CASK: variants seen among roughly 807,000 people sequenced by gnomAD.
The protein encoded by CASK is peripheral plasma membrane protein CASK.
In CASK, 4 loss-of-function variants were observed where a neutral mutation model predicts 82.9. The observed-to-expected ratio is 0.05, with a 90% CI of 0.02 to 0.11. The LOEUF (loss-of-function observed/expected upper bound fraction) is 0.11. Among genes scored for constraint, CASK ranks in the 10% least tolerant of loss-of-function variants. CASK has a pLI of 1.00. For synonymous variants in CASK, 259 were observed against 253.5 expected, an observed-to-expected ratio of 1.02 and a Z score of -0.20; for missense variants, 358 against 720.9, an observed-to-expected ratio of 0.50 and a Z score of 5.76.
At chrX:41,865,963 GAC>G (rs1206112214) in intron 1 of CASK, among the ~76,000 whole-genome samples, 1 of 112,348 alleles carries the variant, frequency 8.9e-6, no homozygotes, top group Non-Finnish European at 1.9e-5. Context: ...AGGGCAGGAA[GAC>G]ACATGGCTTC....
intron 8 of CASK, among the ~76,000 whole-genome samples, chrX:41,651,978 G>A (rs2066871921): frequency 9.0e-6 from 1 of 111,175 alleles, no homozygotes; most frequent in Non-Finnish European, 1.9e-5. Flanking sequence ...ATAAGGGAGG[G>A]GAAGGGGGAT....
intron 1 of CASK, among the ~76,000 whole-genome samples, chrX:41,864,265 C>G (rs181769595): frequency 1.2e-4 from 14 of 112,057 alleles, no homozygotes; most frequent in Admixed American, 1.9e-4. Context: ...CAAAATTATA[C>G]TGTAAAACAG....
intron 1 of CASK, among the ~76,000 whole-genome samples, chrX:41,855,643 C>T (rs746444312): frequency 9.0e-6 from 1 of 111,253 alleles, no homozygotes; most frequent in South Asian, 3.8e-4. Context: ...CTGGCCTGTA[C>T]ATTTTATTGA....
intron 12 of CASK, among the ~76,000 whole-genome samples, chrX:41,594,065 A>G (rs2065783096): frequency 1.8e-5 from 2 of 111,844 alleles, no homozygotes; most frequent in African/African-American, 6.5e-5. Flanking sequence ...AATATATAAA[A>G]TGTTACTTGG....
At chrX:41,548,963 G>A (rs1312082220) in intron 21 of CASK, among the ~76,000 whole-genome samples, 2 of 111,544 alleles carry the variant, frequency 1.8e-5, no homozygotes, top group Non-Finnish European at 3.8e-5. Context: ...CACAGAAACC[G>A]TGTTAGGGTT....
intron 1 of CASK, among the ~76,000 whole-genome samples, chrX:41,894,383 C>G (rs1452081966): frequency 1.8e-5 from 2 of 110,147 alleles, no homozygotes; most frequent in African/African-American, 6.6e-5. Context: ...GATAAGACAG[C>G]AAAAGATTGA....
intron 8 of CASK, among the ~76,000 whole-genome samples, chrX:41,645,519 G>C (rs1232392242): frequency 1.8e-5 from 2 of 110,985 alleles, no homozygotes; most frequent in African/African-American, 3.3e-5. Flanking sequence ...CAAAACCACA[G>C]AGAAAAGACG....
intron 10 of CASK, among the ~76,000 whole-genome samples, chrX:41,626,344 G>A (rs977795157): frequency 2.7e-5 from 3 of 110,959 alleles, no homozygotes; most frequent in Non-Finnish European, 5.7e-5. Context: ...GGTCTAGAGT[G>A]TGGAAAGGGG....
intron 14 of CASK, among the ~76,000 whole-genome samples, chrX:41,579,490 C>T (rs2065534962): frequency 9.0e-6 from 1 of 111,461 alleles, no homozygotes; most frequent in Non-Finnish European, 1.9e-5. Context: ...CCCTTGTTTC[C>T]CTAAAAAAGA....
intron 2 of CASK, among the ~76,000 whole-genome samples, chrX:41,818,883 T>C (rs1187205127): frequency 9.2e-6 from 1 of 108,861 alleles, no homozygotes; most frequent in East Asian, 2.9e-4. Context: ...TATCTAAAAA[T>C]TAACTCAAAA....
chrX:41,531,997 C>T (rs1266806547), intron 24 of CASK, among the ~76,000 whole-genome samples: 2 of 111,664 alleles, frequency 1.8e-5, no homozygotes, highest in Admixed American at 9.5e-5. Flanking sequence ...TGCAGTGGTG[C>T]GATCTCAGCT....
At chrX:41,854,120 G>T (rs997450107) in intron 1 of CASK, among the ~76,000 whole-genome samples, 3 of 111,049 alleles carry the variant, frequency 2.7e-5, no homozygotes, top group African/African-American at 9.9e-5. Context: ...CACAGCCACT[G>T]GTCTAGCTAT....
intron 1 of CASK, among the ~76,000 whole-genome samples, chrX:41,899,764 T>C (rs996564925): frequency 8.9e-6 from 1 of 112,161 alleles, no homozygotes; most frequent in Middle Eastern, 4.2e-3. Context: ...ATATTTGTCT[T>C]TAACTTTTAT....
chrX:41,763,936 G>A (rs764663376), intron 3 of CASK, among the ~76,000 whole-genome samples: 1 of 112,018 alleles, frequency 8.9e-6, no homozygotes, highest in East Asian at 2.8e-4. Context: ...GACAGAGCTA[G>A]GACAACAGTA....
At chrX:41,799,804 C>T (rs189765302) in intron 2 of CASK, among the ~76,000 whole-genome samples, 44 of 102,067 alleles carry the variant, frequency 4.3e-4, no homozygotes, top group African/African-American at 1.6e-3. Flanking sequence ...CTGCACCTGT[C>T]CCCCCACAGC....
chrX:41,789,645 G>A (rs186579537), intron 2 of CASK, among the ~76,000 whole-genome samples: 1 of 111,591 alleles, frequency 9.0e-6, no homozygotes, highest in East Asian at 2.8e-4. Flanking sequence ...CTCCAGGAGT[G>A]TTCTGCCTTC....
At chrX:41,876,101 G>A (rs2148016511) in intron 1 of CASK, among the ~76,000 whole-genome samples, 1 of 111,259 alleles carries the variant, frequency 9.0e-6, no homozygotes, top group African/African-American at 3.3e-5. Flanking sequence ...TCCAACAAGA[G>A]CAACAGTAGC....
At chrX:41,530,331 A>G (rs1171559764) in intron 25 of CASK, among the ~76,000 whole-genome samples, 1 of 112,238 alleles carries the variant, frequency 8.9e-6, no homozygotes, top group African/African-American at 3.2e-5. Flanking sequence ...TTCAAGTTTA[A>G]TAATTCCTAC....
In CASK at chrX:41,901,618, G is replaced by A. The variant is rs981583327; in HGVS notation, c.59+21312C>T. 2.7e-5 allele frequency among the ~76,000 whole-genome samples: 3 copies of A among 111,824 alleles called. No individual in the cohort carries two copies. In the Admixed American group the frequency reaches 2.8e-4, roughly 11 times the overall value. On this transcript the variant is annotated intron_variant, in intron 1 of 26. Transcript: ENST00000378163. ...CTGTCTGGCAGGGGGGCTTGCTGCT[G>A]GAGTTTTCAGGTGGGCTATCCTGAA...
Sources: allele counts gnomAD v4.1 joint callset (sites outside exome capture counted in the v4.1 genomes callset), GRCh38; gene constraint gnomAD v4.1.1; transcripts MANE v1.5; gene names NCBI Gene and HGNC (gene_info 2026-07-23, HGNC 2026-07-21).